Variants in UVRAG observed in about 807,000 individuals in gnomAD.
The protein encoded by UVRAG is UV radiation resistance-associated gene protein.
A neutral mutation model predicts 78.0 loss-of-function variants in UVRAG; 19 were observed. That is an observed-to-expected ratio of 0.24 (90% confidence interval 0.17 to 0.36). The LOEUF (loss-of-function observed/expected upper bound fraction) is 0.36, where lower values mean the gene tolerates loss of function less well. Among genes scored for constraint, UVRAG ranks in the 10% least tolerant of loss-of-function variants. The probability of loss-of-function intolerance (pLI) is 1.00; values close to 1 mark genes in which losing one functional copy is unlikely to be tolerated. For missense variants in UVRAG, 740 were observed against 853.8 expected (o/e 0.87, Z 1.66); for synonymous variants, 323 against 324.6 (o/e 1.00, Z 0.05).
intron 13 of UVRAG, among the ~76,000 whole-genome samples, chr11:76,101,351 T>C (rs982023461): frequency 2.0e-5 from 3 of 152,158 alleles, no homozygotes; most frequent in Admixed American, 1.3e-4. Context: ...ATCAGTGATA[T>C]TGAGCTTTTT....
chr11:75,928,102 C>A (rs567672785), intron 6 of UVRAG, among the ~76,000 whole-genome samples: 29 of 151,690 alleles, frequency 1.9e-4, no homozygotes, highest in African/African-American at 7.0e-4. Context: ...GACCCCATCT[C>A]TAAAAAGAAA....
At chr11:75,913,988 C>T (rs1383329302) in intron 6 of UVRAG, among the ~76,000 whole-genome samples, 1 of 152,182 alleles carries the variant, frequency 6.6e-6, no homozygotes, top group Non-Finnish European at 1.5e-5. Flanking sequence ...CTCCTCATGC[C>T]TATTGTACAA....
chr11:76,084,275 G>A (rs1033903459), intron 13 of UVRAG, among the ~76,000 whole-genome samples: 2 of 152,108 alleles, frequency 1.3e-5, no homozygotes, highest in Admixed American at 6.5e-5. Flanking sequence ...TAACATGAAC[G>A]CTAATGCACT....
At chr11:76,010,943 G>C (rs191770196) in intron 11 of UVRAG, among the ~76,000 whole-genome samples, 1 of 152,302 alleles carries the variant, frequency 6.6e-6, no homozygotes, top group African/African-American at 2.4e-5. Flanking sequence ...GATGGCATGA[G>C]CTGAGTTAGG....
At chr11:75,861,271 G>A (rs73491758) in intron 2 of UVRAG, among the ~76,000 whole-genome samples, 8,144 of 152,166 alleles carry the variant, frequency 0.054, 729 homozygotes, top group African/African-American at 0.19. Flanking sequence ...TAAGTCACCC[G>A]GTTGCTAGTG....
chr11:75,836,152 A>G (rs546485392), intron 1 of UVRAG, among the ~76,000 whole-genome samples: 1 of 152,192 alleles, frequency 6.6e-6, no homozygotes. Context: ...ATACTGCAGA[A>G]CCAGAAAGGA....
intron 11 of UVRAG, among the ~76,000 whole-genome samples, chr11:76,016,338 T>C (rs1950144561): frequency 6.6e-6 from 1 of 152,190 alleles, no homozygotes; most frequent in African/African-American, 2.4e-5. Context: ...ATAAGAATGA[T>C]TATACTATTT....
intron 6 of UVRAG, among the ~76,000 whole-genome samples, chr11:75,929,623 CTTCTA>C (rs1948190698): frequency 6.6e-6 from 1 of 152,114 alleles, no homozygotes; most frequent in Non-Finnish European, 1.5e-5. Context: ...CCGTTGTCAT[CTTCTA>C]TTATAAAATT....
intron 13 of UVRAG, among the ~76,000 whole-genome samples, chr11:76,100,219 TAA>T (rs1273738659): frequency 6.6e-6 from 1 of 152,138 alleles, no homozygotes; most frequent in Non-Finnish European, 1.5e-5. Context: ...CAAAAGGAGA[TAA>T]AGTCAGAAAT....
chr11:75,859,386 A>G (rs1284547739), intron 2 of UVRAG, among the ~76,000 whole-genome samples: 2 of 152,024 alleles, frequency 1.3e-5, no homozygotes, highest in East Asian at 3.8e-4. Context: ...AAAAAAAAAA[A>G]AAGAAAATTT....
chr11:75,968,971 T>C (rs965452079), intron 7 of UVRAG, among the ~76,000 whole-genome samples: 1 of 152,238 alleles, frequency 6.6e-6, no homozygotes, highest in Non-Finnish European at 1.5e-5. Context: ...ATTGACTTTT[T>C]TTCCAATTAT....
intron 13 of UVRAG, among the ~76,000 whole-genome samples, chr11:76,066,176 T>C (rs370819802): frequency 5.9e-5 from 9 of 152,316 alleles, no homozygotes; most frequent in African/African-American, 1.9e-4. Context: ...TCAGTGCCTT[T>C]GCAAGTACTT....
chr11:76,008,367 G>A (rs934598977), intron 10 of UVRAG, among the ~76,000 whole-genome samples: 14 of 152,142 alleles, frequency 9.2e-5, no homozygotes, highest in South Asian at 4.1e-4. Context: ...AATGAAAAAA[G>A]GAAAACTTCA....
At chr11:75,960,598 C>T (rs533381855) in intron 6 of UVRAG, among the ~76,000 whole-genome samples, 4 of 152,140 alleles carry the variant, frequency 2.6e-5, no homozygotes, top group South Asian at 4.2e-4. Flanking sequence ...GAAACCTCGT[C>T]TCTGCAAAAA....
chr11:76,033,630 C>T (rs555008105), intron 12 of UVRAG, among the ~76,000 whole-genome samples: 2 of 151,876 alleles, frequency 1.3e-5, no homozygotes, highest in Non-Finnish European at 2.9e-5. Flanking sequence ...TTTTTAAAAC[C>T]TTTATTTATA....
intron 8 of UVRAG, among the ~76,000 whole-genome samples, chr11:75,989,692 A>G (rs1372858846): frequency 1.3e-5 from 2 of 151,936 alleles, no homozygotes; most frequent in Non-Finnish European, 2.9e-5. Context: ...CTCAAATACT[A>G]CCTCTCCTTG....
intron 14 of UVRAG, chr11:76,137,301 C>T: frequency 2.2e-6 from 1 of 455,150 alleles, no homozygotes; most frequent in Non-Finnish European, 4.4e-6. Context: ...TCGAAGAACC[C>T]ACGCCAGGCT....
intron 6 of UVRAG, among the ~76,000 whole-genome samples, chr11:75,940,471 C>A (rs1948463439): frequency 6.6e-6 from 1 of 152,066 alleles, no homozygotes; most frequent in Non-Finnish European, 1.5e-5. Flanking sequence ...CCTTGTAATT[C>A]ACAAAAATTT....
At chr11:76,066,480 T>G (rs1292533289) in intron 13 of UVRAG, among the ~76,000 whole-genome samples, 7 of 152,086 alleles carry the variant, frequency 4.6e-5, no homozygotes, top group Non-Finnish European at 1.0e-4. Context: ...TTTTTTTTTG[T>G]TTTTGTTTTT....
Sources: allele counts gnomAD v4.1 joint callset (sites outside exome capture counted in the v4.1 genomes callset), GRCh38; gene constraint gnomAD v4.1.1; transcripts MANE v1.5; gene names NCBI Gene and HGNC (gene_info 2026-07-23, HGNC 2026-07-21).